ADGRL2: variants seen among roughly 807,000 people sequenced by gnomAD.
The protein encoded by ADGRL2 is adhesion G protein-coupled receptor L2.
In ADGRL2, 44 loss-of-function variants were observed where a neutral mutation model predicts 157.4. The observed-to-expected ratio is 0.28, with a 90% CI of 0.22 to 0.36. The LOEUF is 0.36. Among genes scored for constraint, ADGRL2 ranks in the 10% least tolerant of loss-of-function variants. ADGRL2 has a pLI of 1.00. For missense variants in ADGRL2, 1,510 were observed against 1,768.9 expected, an observed-to-expected ratio of 0.85 and a Z score of 2.63; for synonymous variants, 585 against 624.7, an observed-to-expected ratio of 0.94 and a Z score of 0.95.
rs17106615 is a variant in ADGRL2, at chr1:81,517,841, A to T, written c.-247-63035A>T. ...TTCCTGTTCGAGACAGAGTAGGCTC[A>T]GCTAGCATAGTTAGAGGGGCGTTAC... On this transcript the variant is annotated intron_variant, in intron 2 of 24. Coordinates refer to the ADGRL2 transcript ENST00000370721. 6.2e-3 allele frequency among the ~76,000 whole-genome samples: 942 copies of T among 152,296 alleles called. 11 individuals are homozygous for T. Among genetic ancestry groups the T allele is most frequent in the African/African-American group, 0.021 (887 of 41,578 alleles).
chr1:81,957,544 C>A (rs542711817), intron 11 of ADGRL2, among the ~76,000 whole-genome samples: 13 of 151,620 alleles, frequency 8.6e-5, no homozygotes, highest in African/African-American at 3.1e-4. Flanking sequence ...ACAAAAAATA[C>A]GCCAAGAAAA....
intron 3 of ADGRL2, among the ~76,000 whole-genome samples, chr1:81,650,211 A>G (rs2082387214): frequency 6.6e-6 from 1 of 152,142 alleles, no homozygotes; most frequent in African/African-American, 2.4e-5. Context: ...TAAATAAATG[A>G]ATGATTGACT....
At chr1:81,503,209 G>A (rs2078893664) in intron 2 of ADGRL2, 1 of 1,614,102 alleles carries the variant, frequency 6.2e-7, no homozygotes, top group Non-Finnish European at 8.5e-7. Context: ...CGGCAGGGAA[G>A]ACAGAGCAGA....
At chr1:81,370,027 G>C (rs1395081255) in intron 1 of ADGRL2, among the ~76,000 whole-genome samples, 1 of 151,994 alleles carries the variant, frequency 6.6e-6, no homozygotes, top group African/African-American at 2.4e-5. Context: ...TACCAAAGAA[G>C]TTCCTCTCTG....
intron 2 of ADGRL2, among the ~76,000 whole-genome samples, chr1:81,903,846 C>CACAT (rs556699551): frequency 0.014 from 1,990 of 145,698 alleles, 49 homozygotes; most frequent in African/African-American, 0.044. Flanking sequence ...CACACACACA[C>CACAT]ATATTTGGTT....
At chr1:81,477,825 C>T (rs1215404963) in intron 2 of ADGRL2, among the ~76,000 whole-genome samples, 3 of 152,100 alleles carry the variant, frequency 2.0e-5, no homozygotes, top group Non-Finnish European at 2.9e-5. Flanking sequence ...TGCTTCAGGT[C>T]GTGTTGTGTT....
At chr1:81,530,434 C>T (rs1448855236) in intron 2 of ADGRL2, among the ~76,000 whole-genome samples, 1 of 63,556 alleles carries the variant, frequency 1.6e-5, no homozygotes, top group Admixed American at 1.4e-4. Flanking sequence ...GCAACCTCCA[C>T]CTCCCTGGGC....
chr1:81,335,597 G>T (rs991824734), intron 1 of ADGRL2, among the ~76,000 whole-genome samples: 1 of 152,002 alleles, frequency 6.6e-6, no homozygotes, highest in Admixed American at 6.6e-5. Flanking sequence ...AACAAATACA[G>T]GATTAAACAT....
chr1:81,367,744 G>A (rs966045342), intron 1 of ADGRL2, among the ~76,000 whole-genome samples: 1 of 152,096 alleles, frequency 6.6e-6, no homozygotes, highest in Non-Finnish European at 1.5e-5. Context: ...TAGAGATGGA[G>A]TTTCACCATG....
chr1:81,590,757 C>T (rs1366601260), intron 3 of ADGRL2, among the ~76,000 whole-genome samples: 1 of 152,180 alleles, frequency 6.6e-6, no homozygotes, highest in Non-Finnish European at 1.5e-5. Context: ...CAATCTATTA[C>T]TATAGTGCCA....
At chr1:81,513,123 C>T (rs1290318516) in intron 2 of ADGRL2, among the ~76,000 whole-genome samples, 1 of 152,032 alleles carries the variant, frequency 6.6e-6, no homozygotes, top group East Asian at 1.9e-4. Flanking sequence ...AACTTACATG[C>T]TTATTTCTCT....
chr1:81,601,949 G>C (rs1232477270), intron 3 of ADGRL2, among the ~76,000 whole-genome samples: 2 of 152,156 alleles, frequency 1.3e-5, no homozygotes, highest in Non-Finnish European at 2.9e-5. Context: ...TGATGTTATG[G>C]GAAAAGAGAG....
Position 81,846,529 on chromosome 1 carries a change from T to G in ADGRL2, c.73+9472T>G, listed in dbSNP as rs1383898066. On this transcript the variant is annotated intron_variant, in intron 2 of 23. Coordinates refer to ENST00000686636, the MANE Select transcript of ADGRL2 (RefSeq NM_001366006.2). Reference sequence around the variant, plus strand: ...GGGATTCGTATGAAGCCTGGTTAAGTTTTGCACAGGGATTTAATCTAAAAA... The same window carrying G: ...GGGATTCGTATGAAGCCTGGTTAAGGTTTGCACAGGGATTTAATCTAAAAA... Among the ~76,000 whole-genome samples the G allele has an allele frequency of 2.6e-5, 4 of 151,554 alleles. No homozygotes were observed. The East Asian group carries it at 7.7e-4, about 29-fold the overall frequency.
chr1:81,753,367 C>T (rs2085554928), intron 1 of ADGRL2, among the ~76,000 whole-genome samples: 1 of 152,108 alleles, frequency 6.6e-6, no homozygotes, highest in Non-Finnish European at 1.5e-5. Context: ...ATGAGAATAG[C>T]ACGGGAAATA....
At chr1:81,691,123 C>T (rs2083324349) in intron 3 of ADGRL2, among the ~76,000 whole-genome samples, 1 of 152,198 alleles carries the variant, frequency 6.6e-6, no homozygotes, top group African/African-American at 2.4e-5. Context: ...AGCACAAGCA[C>T]ATGTGCAGAA....
intron 1 of ADGRL2, among the ~76,000 whole-genome samples, chr1:81,351,133 A>T (rs538254329): frequency 9.9e-5 from 15 of 152,166 alleles, no homozygotes; most frequent in African/African-American, 3.6e-4. Context: ...ACAAATCTTG[A>T]CTTTCAGAGG....
At chr1:81,542,812 TTCA>T (rs1453127563) in intron 2 of ADGRL2, among the ~76,000 whole-genome samples, 2 of 152,168 alleles carry the variant, frequency 1.3e-5, no homozygotes, top group African/African-American at 4.8e-5. Context: ...CAATGGATTA[TTCA>T]GATTTTACAA....
chr1:81,559,750 G>GTTTGA lies in ADGRL2; in HGVS notation c.-247-21123_-247-21119dup, dbSNP rs1183542992. ...ATGTTTTTCATCTCTAGGGAGTAAT[G>GTTTGA]TTTGATTATATTTTATTTGGTTCAT... On this transcript the variant is annotated intron_variant, in intron 2 of 24. Coordinates refer to the ADGRL2 transcript ENST00000370721. Among the ~76,000 whole-genome samples, 5 of 152,294 alleles carry GTTTGA rather than the reference G, an allele frequency of 3.3e-5. No individual in the cohort carries two copies. The East Asian group carries it at 9.6e-4, about 29-fold the overall frequency.
intron 2 of ADGRL2, among the ~76,000 whole-genome samples, chr1:81,861,344 T>A (rs932872485): frequency 6.6e-6 from 1 of 152,188 alleles, no homozygotes; most frequent in African/African-American, 2.4e-5. Context: ...AATTGGATGA[T>A]AAAGTAGCAA....
Sources: gnomAD v4.1 joint callset for allele counts (sites outside exome capture counted in the v4.1 genomes callset) on GRCh38, gnomAD v4.1.1 for gene constraint, MANE v1.5 for transcripts, NCBI Gene and HGNC (gene_info 2026-07-23, HGNC 2026-07-21) for gene names.